The following ARFGEF2 variants were observed in gnomAD, a reference collection of about 807,000 sequenced individuals.
ARFGEF2 encodes ARF guanine nucleotide exchange factor 2.
ARFGEF2 carries 74 observed loss-of-function variants against 219.9 expected under a neutral mutation model. The observed-to-expected ratio is 0.34, with a 90% confidence interval of 0.28 to 0.41. ARFGEF2 has a LOEUF of 0.41. Ranked by LOEUF, ARFGEF2 falls within the 10% of genes least tolerant of loss-of-function variation. The pLI, the probability that ARFGEF2 is intolerant of heterozygous loss-of-function variation, is 1.00. For synonymous variants in ARFGEF2, 733 were observed against 799.2 expected (o/e 0.92, Z 1.40); for missense variants, 1,743 against 2,218.3 (o/e 0.79, Z 4.30).
intron 1 of ARFGEF2, among the ~76,000 whole-genome samples, chr20:48,937,568 A>G (rs1042436887): frequency 6.6e-6 from 1 of 152,172 alleles, no homozygotes; most frequent in Admixed American, 6.5e-5. Flanking sequence ...TTTTTCTTCA[A>G]CAAAAGAGTA....
intron 1 of ARFGEF2, among the ~76,000 whole-genome samples, chr20:48,933,048 G>C (rs1288707647): frequency 6.6e-6 from 1 of 152,200 alleles, no homozygotes; most frequent in Non-Finnish European, 1.5e-5. Context: ...ATGCGAGCCA[G>C]TGTCAGAGGT....
At chr20:48,980,468 G>A (rs1420424169) in intron 14 of ARFGEF2, among the ~76,000 whole-genome samples, 1 of 152,210 alleles carries the variant, frequency 6.6e-6, no homozygotes, top group African/African-American at 2.4e-5. Context: ...GTTGGTTTGG[G>A]GTGGAGAGTT....
chr20:49,032,782 A>G (rs967992284), intron 38 of ARFGEF2, among the ~76,000 whole-genome samples: 1 of 151,956 alleles, frequency 6.6e-6, no homozygotes, highest in African/African-American at 2.4e-5. Context: ...TGGTAGAGAC[A>G]GGGTTTCACC....
intron 26 of ARFGEF2, 150 bp from the exon 27 acceptor site, chr20:49,010,081 TG>T: frequency 1.1e-6 from 1 of 902,216 alleles, no homozygotes; most frequent in Non-Finnish European, 1.7e-6. Context: ...AGGTTTGGAA[TG>T]GAAGTGAGAG....
At position 48,973,196 on chromosome 20, in the gene ARFGEF2, C is replaced by T. The variant is rs777154927; in HGVS notation, c.1577C>T (p.Ala526Val). The T allele has an allele frequency of 6.2e-7, 1 of 1,614,078 alleles. No homozygotes were observed. Among genetic ancestry groups the T allele is most frequent in the Non-Finnish European group, 8.5e-7 (1 of 1,179,952 alleles). ...IYVNYDCDLN[A>V]ANIFERLVND... ...GTCAACTACGACTGTGATTTAAATG[C>T]TGCTAACATTTTTGAGCGCCTTGTA... Residue 526 changes from alanine to valine, a missense_variant, in exon 12 of 39, where the codon GCT becomes GTT. This residue lies in a region of ARFGEF2 where 666 missense variants were observed against 955.4 expected (regional missense o/e 0.70). Transcript: ENST00000371917.
In ARFGEF2 at chr20:48,969,179, C is replaced by G; in HGVS notation, c.1092C>G (p.Ala364=). Reference sequence around the variant, plus strand: ...ATGCACAAGGACATCAAGTGGCTGCCAGGTTCTCCCACGTTCTGCAGAAGG... The same window carrying G: ...ATGCACAAGGACATCAAGTGGCTGCGAGGTTCTCCCACGTTCTGCAGAAGG... ...ESDAQGHQVA[A]RFSHVLQKDA... is the part of the protein sequence containing the mutation. The change falls in exon 9 of 39, where the codon GCC becomes GCG. Residue 364 remains alanine, a synonymous_variant. Transcript: ENST00000371917. The G allele has an allele frequency of 6.2e-7, 1 of 1,614,154 alleles. No individual in the cohort carries two copies. The highest frequency in any genetic ancestry group is 2.2e-5 in the East Asian group (1 of 44,880).
chr20:48,971,242 T>C lies in ARFGEF2; in HGVS notation c.1313T>C (p.Val438Ala). The C allele has an allele frequency of 6.2e-7, 1 of 1,614,198 alleles. No individual in the cohort carries two copies. The highest frequency in any genetic ancestry group is 1.3e-5 in the African/African-American group (1 of 75,048). ...FINAIKQYLC[V>A]ALSKNGVSSV... ...AATGCAATCAAGCAATATCTCTGTG[T>C]GGCCTTGTCCAAAAACGGCGTCTCT... The change falls in exon 10 of 39, where the codon GTG becomes GCG. Residue 438 changes from valine (V) to alanine (A), a missense_variant. By Grantham distance (64) the Val-to-Ala change is moderately conservative. Transcript: ENST00000371917.
rs111812544 is a variant in ARFGEF2 at position 48,941,832 on chromosome 20, C to T, written c.153-32C>T. On this transcript the variant is annotated intron_variant, in intron 2 of 38. Coordinates refer to ENST00000371917, the MANE Select transcript of ARFGEF2 (RefSeq NM_006420.3). ...AGAGTAAGGTGTAGAAAATTCATTTCTTCTCCCGACCCTCTCTTGCTTTTC... is the reference window on the plus strand; with the variant it reads ...AGAGTAAGGTGTAGAAAATTCATTTTTTCTCCCGACCCTCTCTTGCTTTTC... 3.1e-6 allele frequency: 5 copies of T among 1,614,006 alleles called. No homozygotes were observed. The African/African-American group carries it at 6.7e-5, about 22-fold the overall frequency.
chr20:48,959,357 A>G (rs187982150), intron 6 of ARFGEF2, among the ~76,000 whole-genome samples: 45 of 146,220 alleles, frequency 3.1e-4, no homozygotes, highest in African/African-American at 1.1e-3. Context: ...ATGTTTTCCA[A>G]ATTACAAGAG....
intron 10 of ARFGEF2, among the ~76,000 whole-genome samples, chr20:48,972,077 T>C (rs1004874961): frequency 2.0e-5 from 3 of 152,232 alleles, no homozygotes; most frequent in Admixed American, 6.5e-5. Flanking sequence ...GATTTCTGGT[T>C]TCTCTCCAAA....
intron 26 of ARFGEF2, among the ~76,000 whole-genome samples, chr20:49,008,008 TTGG>T (rs1211657439): frequency 6.6e-6 from 1 of 152,080 alleles, no homozygotes; most frequent in Non-Finnish European, 1.5e-5. Context: ...TCAGATACTG[TTGG>T]TGGAACTGTA....
chr20:48,952,505 T>C (rs1179412266), intron 4 of ARFGEF2, among the ~76,000 whole-genome samples, 200 bp from the exon 5 acceptor site: 1 of 152,202 alleles, frequency 6.6e-6, no homozygotes, highest in African/African-American at 2.4e-5. Context: ...GAACTGTTCA[T>C]TGTTTTTCAA....
intron 1 of ARFGEF2, among the ~76,000 whole-genome samples, chr20:48,936,279 C>T (rs1338498367): frequency 3.5e-5 from 5 of 142,832 alleles, no homozygotes; most frequent in South Asian, 2.2e-4. Flanking sequence ...CCGGACGGGG[C>T]GGCTGGCCAG....
At position 48,963,876 on chromosome 20, in the gene ARFGEF2, T is replaced by G; in HGVS notation, c.885T>G (p.Asp295Glu). The G allele has an allele frequency of 6.2e-7, 1 of 1,614,022 alleles. No individual in the cohort carries two copies. The highest frequency in any genetic ancestry group is 1.7e-5 in the Admixed American group (1 of 60,008). ...AQEVVKDILEDVVTSAIKEAA... is the reference protein window; with the variant it reads ...AQEVVKDILEEVVTSAIKEAA... ...AGGTGGTGAAGGACATCTTGGAAGA[T>G]GTAGTCACATCTGCCATTAAAGGTA... The change falls in exon 7 of 39, where the codon GAT (aspartate) becomes GAG (glutamate). Residue 295 changes from aspartate (D) to glutamate (E), a missense_variant. Asp to Glu is a conservative substitution (Grantham distance 45, BLOSUM62 2). Coordinates refer to ENST00000371917, the MANE Select transcript of ARFGEF2 (RefSeq NM_006420.3).
chr20:48,999,755 A>G (rs2091413684), intron 25 of ARFGEF2, among the ~76,000 whole-genome samples: 1 of 151,120 alleles, frequency 6.6e-6, no homozygotes, highest in Non-Finnish European at 1.5e-5. Context: ...TTAAAAAAAA[A>G]AAAAAAAAAA....
intron 8 of ARFGEF2, among the ~76,000 whole-genome samples, chr20:48,968,375 A>G (rs117130127): frequency 0.01 from 1,512 of 149,944 alleles, 11 homozygotes; most frequent in Middle Eastern, 0.021. Flanking sequence ...TAATACCTAT[A>G]CTTTGTTACC....
chr20:49,034,085 A>G lies in ARFGEF2; in HGVS notation c.*886A>G, dbSNP rs1568750084. On this transcript the variant is annotated 3_prime_UTR_variant, in exon 39 of 39. Transcript: ENST00000371917. ...TGAAGTAGTAATTTAACCAGAGTTC[A>G]TTTATCCTTGAATAAACCTTTTTAT... 6.6e-6 allele frequency: 1 copy of G among 152,268 alleles called. No homozygotes were observed. Among genetic ancestry groups the G allele is most frequent in the Non-Finnish European group, 1.5e-5 (1 of 68,054 alleles). 9.4% of individuals were successfully genotyped at this position (152,268 alleles called of 1,614,324 possible).
Position 48,976,304 on chromosome 20 carries a change from G to A in ARFGEF2, c.1958+105G>A, listed in dbSNP as rs983018288. The A allele has an allele frequency of 1.6e-5, 22 of 1,402,560 alleles. No homozygotes were observed. In the African/African-American group the frequency reaches 3.1e-4, roughly 20 times the overall value. The allele number at this position is 1,402,560 out of a possible 1,614,324, so 86.9% of individuals were successfully genotyped here. A position where few individuals can be genotyped will look rare whatever the true frequency, so the allele number is the denominator to read the frequency against. On this transcript the variant is annotated intron_variant, in intron 14 of 38. Transcript: ENST00000371917. ...AGGAAATGCCTGTTTACAAAAGGCT[G>A]GTGCTGGCACTTGTAGCTAAGCCTG...
chr20:49,036,091 G>A lies in ARFGEF2; in HGVS notation c.*2892G>A, dbSNP rs2091664899. 2.5e-6 allele frequency: 1 copy of A among 398,030 alleles called. No homozygotes were observed. The highest frequency in any genetic ancestry group is 4.4e-6 in the Non-Finnish European group (1 of 225,816). 24.7% of individuals were successfully genotyped at this position (398,030 alleles called of 1,614,324 possible). On this transcript the variant is annotated 3_prime_UTR_variant, in exon 39 of 39. Transcript: ENST00000371917. ...TAAAGGAACCTGCTGATAAGTACAA[G>A]TGTGACCATCTCATTCAAATGTTTG...
Sources: allele counts gnomAD v4.1 joint callset (sites outside exome capture counted in the v4.1 genomes callset), GRCh38; gene constraint gnomAD v4.1.1; regional missense constraint gnomAD v4.1.1; transcripts MANE v1.5; gene names NCBI Gene and HGNC (gene_info 2026-07-23, HGNC 2026-07-21).